RFC3: variants seen among roughly 807,000 people sequenced by gnomAD.
RFC3 encodes the protein A1 38 kDa subunit.
A neutral mutation model predicts 45.1 loss-of-function variants in RFC3; 41 were observed. That is an observed-to-expected ratio of 0.91 (90% confidence interval 0.71 to 1.18). The LOEUF is 1.18. RFC3 is among the 50% of genes most tolerant of loss of function. RFC3 has a pLI of 0.00. For synonymous variants in RFC3, 149 were observed against 144.0 expected (o/e 1.03, Z -0.25); for missense variants, 423 against 428.1 (o/e 0.99, Z 0.10).
At chr13:33,932,134 C>T (rs1335860063) in intron 8 of RFC3, among the ~76,000 whole-genome samples, 2 of 152,102 alleles carry the variant, frequency 1.3e-5, no homozygotes, top group African/African-American at 2.4e-5. Context: ...ACTCTGCCAG[C>T]ATGAAATTTA....
chr13:33,830,026 A>G lies in RFC3; in HGVS notation c.573+9A>G. Reference sequence around the variant, plus strand: ...CTCCCAGCATTGAAGATGTAGGTCAAGTTACACTTTTCTGAAAAATAAATC... The same window carrying G: ...CTCCCAGCATTGAAGATGTAGGTCAGGTTACACTTTTCTGAAAAATAAATC... On this transcript the variant is annotated intron_variant, in intron 5 of 8. Transcript: ENST00000380071. The G allele has an allele frequency of 1.2e-6, 2 of 1,609,406 alleles. No homozygotes were observed. Among genetic ancestry groups the G allele is most frequent in the South Asian group, 1.1e-5 (1 of 90,694 alleles).
intron 8 of RFC3, among the ~76,000 whole-genome samples, chr13:33,883,058 A>G (rs2082495652): frequency 6.6e-6 from 1 of 152,200 alleles, no homozygotes; most frequent in African/African-American, 2.4e-5. Flanking sequence ...CAACTACATA[A>G]AAAGCTGCTG....
chr13:33,932,017 T>C (rs2082855687), intron 8 of RFC3, among the ~76,000 whole-genome samples: 1 of 152,162 alleles, frequency 6.6e-6, no homozygotes, highest in Admixed American at 6.6e-5. Context: ...AGACTATTTA[T>C]ATTGCCTTTG....
chr13:33,939,485 C>T (rs942732467), intron 8 of RFC3, among the ~76,000 whole-genome samples: 1 of 152,302 alleles, frequency 6.6e-6, no homozygotes, highest in Middle Eastern at 3.4e-3. Flanking sequence ...GTGACTCCCT[C>T]GCTCTGTATC....
intron 8 of RFC3, among the ~76,000 whole-genome samples, chr13:33,868,799 T>C (rs768519284): frequency 7.9e-5 from 12 of 152,244 alleles, no homozygotes; most frequent in Non-Finnish European, 1.5e-4. Context: ...TTGTGAATAT[T>C]GCCCAATTCC....
chr13:33,865,884 T>A (rs1033685633), intron 8 of RFC3, among the ~76,000 whole-genome samples: 2 of 152,016 alleles, frequency 1.3e-5, no homozygotes, highest in African/African-American at 4.8e-5. Context: ...AGAAACCCTG[T>A]CTCTACTAAA....
chr13:33,874,809 G>A (rs573681572), intron 8 of RFC3, among the ~76,000 whole-genome samples: 49 of 152,314 alleles, frequency 3.2e-4, no homozygotes, highest in Admixed American at 1.0e-3. Flanking sequence ...AAGGCAACTG[G>A]CTTGTCTGGT....
intron 8 of RFC3, among the ~76,000 whole-genome samples, chr13:33,952,646 A>G (rs929623603): frequency 6.6e-6 from 1 of 152,170 alleles, no homozygotes; most frequent in Non-Finnish European, 1.5e-5. Context: ...AACAACCACA[A>G]CCTTGGATAT....
intron 8 of RFC3, among the ~76,000 whole-genome samples, chr13:33,869,287 T>C (rs955391578): frequency 6.6e-6 from 1 of 152,194 alleles, no homozygotes; most frequent in Admixed American, 6.5e-5. Context: ...CCATTGCTTG[T>C]AACCAAGAGC....
chr13:33,954,838 C>A (rs2083012221), intron 8 of RFC3, among the ~76,000 whole-genome samples: 3 of 152,202 alleles, frequency 2.0e-5, no homozygotes, highest in Admixed American at 6.5e-5. Flanking sequence ...TACCAACACA[C>A]TGGGGATAAA....
At chr13:33,900,846 AAT>A (rs1240765637) in intron 8 of RFC3, among the ~76,000 whole-genome samples, 18 of 149,896 alleles carry the variant, frequency 1.2e-4, no homozygotes, top group Non-Finnish European at 1.2e-4. Context: ...AAAAAAAAAA[AAT>A]AATAAATATA....
chr13:33,861,656 A>C (rs926663749), intron 8 of RFC3, among the ~76,000 whole-genome samples: 16 of 152,036 alleles, frequency 1.1e-4, no homozygotes, highest in Non-Finnish European at 2.2e-4. Flanking sequence ...AAAAAAAAAA[A>C]AAAACGGAAA....
intron 8 of RFC3, among the ~76,000 whole-genome samples, chr13:33,964,682 A>G (rs771622188): frequency 6.6e-6 from 1 of 152,182 alleles, no homozygotes; most frequent in Non-Finnish European, 1.5e-5. Context: ...CACATCACCA[A>G]TTGAATAGTA....
chr13:33,823,232 C>T (rs2082019222), intron 2 of RFC3, among the ~76,000 whole-genome samples: 1 of 152,154 alleles, frequency 6.6e-6, no homozygotes, highest in South Asian at 2.1e-4. Flanking sequence ...AATACATACA[C>T]ACATACACAC....
rs773687839 is a variant in RFC3, at chr13:33,966,068, T to C, written c.880-19T>C. The C allele has an allele frequency of 5.7e-6, 9 of 1,584,658 alleles. 1 individual carries two copies. In the South Asian group the frequency reaches 9.9e-5, roughly 18 times the overall value. ...GGTCTGTGATAAACAATTGATTGGA[T>C]AGTGAATATCTCTTACAGGCATGTA... On this transcript the variant is annotated intron_variant, in intron 8 of 8. Transcript: ENST00000434425.
At chr13:33,899,204 C>CAAAAAAAAAAAGA (rs2082621926) in intron 8 of RFC3, among the ~76,000 whole-genome samples, 2 of 51,970 alleles carry the variant, frequency 3.8e-5, no homozygotes, top group Non-Finnish European at 3.6e-5. Flanking sequence ...CACAATAAGA[C>CAAAAAAAAAAAGA]AAAAAAAAAA....
intron 8 of RFC3, among the ~76,000 whole-genome samples, chr13:33,881,572 T>A (rs2082484334): frequency 6.6e-6 from 1 of 152,048 alleles, no homozygotes; most frequent in Non-Finnish European, 1.5e-5. Flanking sequence ...AGACCTTTAC[T>A]TTCAGTAGGA....
rs1593614253 is a variant in RFC3 at position 33,830,128 on chromosome 13, C to T, written c.573+111C>T. The T allele has an allele frequency of 4.5e-6, 4 of 894,714 alleles. No individual in the cohort carries two copies. In the East Asian group the frequency reaches 9.9e-5, roughly 22 times the overall value. 55.4% of individuals were successfully genotyped at this position (894,714 alleles called of 1,614,324 possible). ...TCAGTAATTTAAGAACACCTACAGA[C>T]CTGGATGCAAAGCATTAATATGTGA... On this transcript the variant is annotated intron_variant, in intron 5 of 8. Coordinates refer to ENST00000380071, the MANE Select transcript of RFC3 (RefSeq NM_002915.4).
intron 8 of RFC3, among the ~76,000 whole-genome samples, chr13:33,914,936 T>C (rs1484141972): frequency 6.6e-6 from 1 of 152,148 alleles, no homozygotes; most frequent in African/African-American, 2.4e-5. Context: ...GGAATATTCT[T>C]TTTTCAGTCT....
Sources: allele counts gnomAD v4.1 joint callset (sites outside exome capture counted in the v4.1 genomes callset), GRCh38; gene constraint gnomAD v4.1.1; transcripts MANE v1.5; gene names NCBI Gene and HGNC (gene_info 2026-07-23, HGNC 2026-07-21).